Variants in CADM2 observed in about 807,000 individuals in gnomAD.
CADM2 encodes the protein immunoglobulin superfamily member 4D.
In CADM2, 12 loss-of-function variants were observed where a neutral mutation model predicts 49.8. The observed-to-expected ratio is 0.24, with a 90% CI of 0.15 to 0.39. CADM2 has a LOEUF of 0.39. CADM2 is among the 10% of genes least tolerant of loss of function. The pLI is 1.00. For missense variants in CADM2, 378 were observed against 492.3 expected, an observed-to-expected ratio of 0.77 and a Z score of 2.20; for synonymous variants, 214 against 175.4, an observed-to-expected ratio of 1.22 and a Z score of -1.74.
chr3:85,759,862 G>A (rs1261910400), intron 2 of CADM2, among the ~76,000 whole-genome samples: 1 of 152,182 alleles, frequency 6.6e-6, no homozygotes, highest in African/African-American at 2.4e-5. Context: ...TCAAGCAACA[G>A]AATTACAAAA....
At chr3:85,011,988 A>C (rs1196960059) in intron 1 of CADM2, among the ~76,000 whole-genome samples, 1 of 152,168 alleles carries the variant, frequency 6.6e-6, no homozygotes, top group Admixed American at 6.5e-5. Context: ...AAAATACTAA[A>C]TTATGACTAA....
intron 1 of CADM2, among the ~76,000 whole-genome samples, chr3:85,175,856 G>A (rs1439694819): frequency 6.7e-6 from 1 of 149,708 alleles, no homozygotes; most frequent in Non-Finnish European, 1.5e-5. Flanking sequence ...GATAAAAAAT[G>A]TGCGTCACAT....
chr3:85,249,839 C>G (rs2042734570), intron 1 of CADM2, among the ~76,000 whole-genome samples: 1 of 151,828 alleles, frequency 6.6e-6, no homozygotes, highest in Non-Finnish European at 1.5e-5. Context: ...ACCAGACATT[C>G]TTGATATTCA....
chr3:85,057,556 ATG>A (rs1370021377), intron 1 of CADM2, among the ~76,000 whole-genome samples: 2 of 152,082 alleles, frequency 1.3e-5, no homozygotes, highest in Non-Finnish European at 2.9e-5. Context: ...GTTTTTCAAG[ATG>A]TGATACCGTT....
intron 1 of CADM2, among the ~76,000 whole-genome samples, chr3:85,009,865 C>CAATAAATA (rs34806351): frequency 0.022 from 3,153 of 140,682 alleles, 48 homozygotes; most frequent in Middle Eastern, 0.045. Flanking sequence ...GATTCTATCT[C>CAATAAATA]AATAAATAAA....
At chr3:85,443,390 T>C (rs1274689969) in intron 1 of CADM2, among the ~76,000 whole-genome samples, 1 of 152,130 alleles carries the variant, frequency 6.6e-6, no homozygotes, top group African/African-American at 2.4e-5. Flanking sequence ...GGAACAGCTA[T>C]TGTATAACCT....
chr3:85,311,055 A>G (rs1413063112), intron 1 of CADM2, among the ~76,000 whole-genome samples: 2 of 152,182 alleles, frequency 1.3e-5, no homozygotes, highest in Non-Finnish European at 2.9e-5. Flanking sequence ...AGGAACATCC[A>G]AAAGAAAATA....
chr3:86,005,965 G>A (rs756047203), intron 8 of CADM2, among the ~76,000 whole-genome samples: 12 of 152,240 alleles, frequency 7.9e-5, no homozygotes, highest in Admixed American at 5.2e-4. Context: ...GTGAGAACAT[G>A]CAGTGTTTAT....
At chr3:85,697,107 T>TA (rs2066590242) in intron 1 of CADM2, among the ~76,000 whole-genome samples, 1 of 135,168 alleles carries the variant, frequency 7.4e-6, no homozygotes, top group South Asian at 2.3e-4. Flanking sequence ...GCCATATATA[T>TA]ATATGGCATA....
At chr3:85,729,766 C>A (rs2067853521) in intron 2 of CADM2, among the ~76,000 whole-genome samples, 1 of 152,030 alleles carries the variant, frequency 6.6e-6, no homozygotes, top group African/African-American at 2.4e-5. Context: ...ATAAAAATTT[C>A]TAGATAGGTT....
intron 1 of CADM2, among the ~76,000 whole-genome samples, chr3:85,691,025 A>G (rs1293208880): frequency 6.6e-6 from 1 of 152,212 alleles, no homozygotes; most frequent in African/African-American, 2.4e-5. Context: ...TATTCCTTCT[A>G]TCTAATTGTA....
chr3:85,154,085 C>T (rs553508843), intron 1 of CADM2, among the ~76,000 whole-genome samples: 21 of 152,280 alleles, frequency 1.4e-4, no homozygotes, highest in Admixed American at 3.3e-4. Flanking sequence ...TAAAGCTGGA[C>T]GGAGAATGAC....
At chr3:86,003,244 A>G (rs1167081410) in intron 8 of CADM2, among the ~76,000 whole-genome samples, 1 of 152,194 alleles carries the variant, frequency 6.6e-6, no homozygotes, top group African/African-American at 2.4e-5. Flanking sequence ...AAGAAAACTG[A>G]CTACGTGTAC....
At chr3:86,017,166 GTGTA>G (rs988017549) in intron 8 of CADM2, among the ~76,000 whole-genome samples, 2 of 105,112 alleles carry the variant, frequency 1.9e-5, no homozygotes, top group African/African-American at 1.3e-4. Context: ...GTGTGTGTGT[GTGTA>G]TATATATATA....
At chr3:85,960,703 T>C (rs879610262) in intron 7 of CADM2, among the ~76,000 whole-genome samples, 16 of 151,792 alleles carry the variant, frequency 1.1e-4, no homozygotes, top group Non-Finnish European at 2.1e-4. Context: ...GAATCTATGG[T>C]TCATTTATCC....
At chr3:85,962,983 G>A (rs1413029949) in intron 8 of CADM2, among the ~76,000 whole-genome samples, 1 of 151,734 alleles carries the variant, frequency 6.6e-6, no homozygotes, top group African/African-American at 2.4e-5. Context: ...AAATTTGGGG[G>A]TCTAGTATAT....
rs115809559 is a variant in CADM2, at chr3:85,528,938, G to A, written c.62-197584G>A. 8.7e-3 allele frequency among the ~76,000 whole-genome samples: 1,327 copies of A among 152,234 alleles called. 26 individuals carry two copies. Among genetic ancestry groups the A allele is most frequent in the African/African-American group, 0.031 (1,281 of 41,542 alleles). ...ACATTTCTCTTTTTGATAGAAAGAG[G>A]ACTGAACCTGGAAATAGTTAGCTTT... On this transcript the variant is annotated intron_variant, in intron 1 of 9. Transcript: ENST00000383699.
intron 8 of CADM2, among the ~76,000 whole-genome samples, chr3:85,999,269 G>C (rs61561051): frequency 4.3e-5 from 6 of 140,830 alleles, no homozygotes; most frequent in Admixed American, 3.6e-4. Context: ...GAGGCCGAGG[G>C]TTGGGGGGTG....
chr3:85,400,668 T>G (rs1013862726), intron 1 of CADM2, among the ~76,000 whole-genome samples: 2 of 151,990 alleles, frequency 1.3e-5, no homozygotes, highest in Non-Finnish European at 2.9e-5. Context: ...TCTTCCTGGT[T>G]TATTCTTGGG....
Sources: gnomAD v4.1 joint callset for allele counts (sites outside exome capture counted in the v4.1 genomes callset) on GRCh38, gnomAD v4.1.1 for gene constraint, MANE v1.5 for transcripts, NCBI Gene and HGNC (gene_info 2026-07-23, HGNC 2026-07-21) for gene names.